Variants in MGAT3 observed in about 807,000 individuals in gnomAD.
MGAT3 encodes GlcNAc-T III.
Under a neutral mutation model 29.8 loss-of-function variants are expected in MGAT3, and 9 were observed. That is an observed-to-expected ratio of 0.30 (90% CI 0.18 to 0.53). The LOEUF is 0.53. Ranked by LOEUF, MGAT3 falls within the 20% of genes least tolerant of loss-of-function variation. The probability of loss-of-function intolerance (pLI) is 0.96; values close to 1 mark genes in which losing one functional copy is unlikely to be tolerated. For missense variants in MGAT3, 557 were observed against 769.5 expected (o/e 0.72, Z 3.27); for synonymous variants, 397 against 348.9 (o/e 1.14, Z -1.54).
At position 39,487,331 on chromosome 22, in the gene MGAT3, T is replaced by C; in HGVS notation, c.-1-16T>C. On this transcript the variant is annotated splice_polypyrimidine_tract_variant and intron_variant, in intron 1 of 1. Transcript: ENST00000341184. The surrounding 1 kb of genome is among the most constrained non-coding windows in gnomAD (Gnocchi z 5.7). ...GGGCTGCCCTGATGAGTCTCCTGTCTCTCTCTCTCCCGCAGGATGAAGATG... is the reference window on the plus strand; with the variant it reads ...GGGCTGCCCTGATGAGTCTCCTGTCCCTCTCTCTCCCGCAGGATGAAGATG... The C allele has an allele frequency of 6.2e-7, 1 of 1,603,954 alleles. No homozygotes were observed. The highest frequency in any genetic ancestry group is 8.5e-7 in the Non-Finnish European group (1 of 1,175,760).
At chr22:39,458,191 T>C (rs1475418144) in intron 1 of MGAT3, among the ~76,000 whole-genome samples, 1 of 152,104 alleles carries the variant, frequency 6.6e-6, no homozygotes, top group Non-Finnish European at 1.5e-5. Context: ...GGGAGGGCGC[T>C]ATAAATATCT....
chr22:39,472,593 A>C (rs930060999), intron 1 of MGAT3, among the ~76,000 whole-genome samples: 4 of 151,978 alleles, frequency 2.6e-5, no homozygotes, highest in African/African-American at 4.8e-5. Context: ...AGCACCTGGC[A>C]CCTAGGAGTG....
intron 1 of MGAT3, among the ~76,000 whole-genome samples, chr22:39,473,686 G>T (rs912365216): frequency 1.3e-5 from 2 of 152,110 alleles, no homozygotes; most frequent in African/African-American, 4.8e-5. Flanking sequence ...CTAGCTGGAG[G>T]CCAGGATCAG....
At chr22:39,466,293 C>T (rs760070789) in intron 1 of MGAT3, among the ~76,000 whole-genome samples, 42 of 152,250 alleles carry the variant, frequency 2.8e-4, no homozygotes, top group Admixed American at 7.2e-4. Flanking sequence ...GGGGTCTCAC[C>T]GTGGGGCTTG....
intron 1 of MGAT3, among the ~76,000 whole-genome samples, chr22:39,478,386 G>C (rs1050721736): frequency 6.6e-6 from 1 of 152,240 alleles, no homozygotes; most frequent in Non-Finnish European, 1.5e-5. Flanking sequence ...CCTTCTCCCA[G>C]TTGGAGGAGT....
chr22:39,484,624 C>A (rs1929219953), intron 1 of MGAT3, among the ~76,000 whole-genome samples: 1 of 152,026 alleles, frequency 6.6e-6, no homozygotes, highest in Non-Finnish European at 1.5e-5. Flanking sequence ...CCACCTGCCT[C>A]AGCTTCCCAA....
intron 1 of MGAT3, among the ~76,000 whole-genome samples, chr22:39,465,786 G>T (rs1406066439): frequency 6.6e-6 from 1 of 152,028 alleles, no homozygotes; most frequent in Non-Finnish European, 1.5e-5. Context: ...ACAAAAATTA[G>T]CCGGGCATGG....
At chr22:39,459,076 T>TCTTTTC (rs1568997680) in intron 1 of MGAT3, among the ~76,000 whole-genome samples, 1 of 19,232 alleles carries the variant, frequency 5.2e-5, no homozygotes, top group African/African-American at 8.4e-5. Flanking sequence ...TCTTTTCTTT[T>TCTTTTC]TTTTTTTTTT....
chr22:39,490,887 A>T lies in MGAT3; in HGVS notation c.*1938A>T, dbSNP rs1011661787. 14 of 166,918 alleles carry T rather than the reference A, an allele frequency of 8.4e-5. No homozygotes were observed. The highest frequency in any genetic ancestry group is 3.1e-4 in the African/African-American group (13 of 41,376). 10.3% of individuals were successfully genotyped at this position (166,918 alleles called of 1,614,324 possible). On this transcript the variant is annotated 3_prime_UTR_variant, in exon 2 of 2. Coordinates refer to ENST00000341184, the MANE Select transcript of MGAT3 (RefSeq NM_002409.5). Reference sequence around the variant, plus strand: ...TGCAGCTCCCCAAAATGACTGAGGCAGAAAGCCCTTGGGGAGCCTAGAAAG... The same window carrying T: ...TGCAGCTCCCCAAAATGACTGAGGCTGAAAGCCCTTGGGGAGCCTAGAAAG...
chr22:39,490,829 TG>T lies in MGAT3; in HGVS notation c.*1882del, dbSNP rs1316173798. ...GGATGGAAGAGGCCAGGCCCAGGCC[TG>T]GCCTCTTCCTCGGGCCTGTGGCCAC... On this transcript the variant is annotated 3_prime_UTR_variant, in exon 2 of 2. Coordinates refer to ENST00000341184, the MANE Select transcript of MGAT3 (RefSeq NM_002409.5). 1 of 166,184 alleles carries T rather than the reference TG, an allele frequency of 6.0e-6. No individual in the cohort carries two copies. The highest frequency in any genetic ancestry group is 2.4e-5 in the African/African-American group (1 of 41,242). 10.3% of individuals were successfully genotyped at this position (166,184 alleles called of 1,614,324 possible). A position where few individuals can be genotyped will look rare whatever the true frequency, so the allele number is the denominator to read the frequency against.
chr22:39,469,149 G>A (rs913073798), intron 1 of MGAT3, among the ~76,000 whole-genome samples: 1 of 148,916 alleles, frequency 6.7e-6, no homozygotes, highest in Non-Finnish European at 1.5e-5. Context: ...CAGGTGGGTG[G>A]GGAGGGGCCC....
At chr22:39,461,581 T>C (rs1440304315) in intron 1 of MGAT3, among the ~76,000 whole-genome samples, 1 of 152,136 alleles carries the variant, frequency 6.6e-6, no homozygotes, top group African/African-American at 2.4e-5. Flanking sequence ...AAACCTCATG[T>C]TCCATTCCCT....
chr22:39,459,223 G>C (rs930950200), intron 1 of MGAT3, among the ~76,000 whole-genome samples: 7 of 152,006 alleles, frequency 4.6e-5, no homozygotes, highest in African/African-American at 1.7e-4. Flanking sequence ...ACAGGTGCCC[G>C]ACACCACACC....
At chr22:39,462,883 C>T (rs911605077) in intron 1 of MGAT3, among the ~76,000 whole-genome samples, 5 of 152,154 alleles carry the variant, frequency 3.3e-5, no homozygotes, top group Non-Finnish European at 4.4e-5. Flanking sequence ...TGGTTCTTAC[C>T]GAAGTGGGAA....
chr22:39,466,496 C>T (rs1000319148), intron 1 of MGAT3, among the ~76,000 whole-genome samples: 1 of 152,204 alleles, frequency 6.6e-6, no homozygotes, highest in Non-Finnish European at 1.5e-5. Flanking sequence ...CCCGCGTCCC[C>T]CATGCTCCAG....
Position 39,488,477 on chromosome 22 carries a change from A to G in MGAT3, c.1130A>G (p.Asp377Gly). The change falls in exon 2 of 2, where the codon GAC becomes GGC. Residue 377 changes from aspartate (D) to glycine (G), a missense_variant. Asp to Gly is a moderately conservative substitution (Grantham distance 94). This residue lies in a region of MGAT3 where 243 missense variants were observed against 444.0 expected (regional missense o/e 0.55). Coordinates refer to ENST00000341184, the MANE Select transcript of MGAT3 (RefSeq NM_002409.5). ...ATGCTGCAGGCAGTGTATGGGCTGG[A>G]CGGCATCCGCCTGCGCCGCCGCCAG... ...VDMLQAVYGL[D>G]GIRLRRRQYY... is the part of the protein sequence containing the mutation. 1 of 1,612,798 alleles carries G rather than the reference A, an allele frequency of 6.2e-7. No homozygotes were observed. The highest frequency in any genetic ancestry group is 8.5e-7 in the Non-Finnish European group (1 of 1,179,962).
chr22:39,464,113 C>A (rs1012272429), intron 1 of MGAT3, among the ~76,000 whole-genome samples: 1 of 152,016 alleles, frequency 6.6e-6, no homozygotes, highest in African/African-American at 2.4e-5. Context: ...ACCGCGCTCA[C>A]CCCTGCCCCA....
chr22:39,476,399 C>G (rs1280570827), intron 1 of MGAT3: 4 of 152,438 alleles, frequency 2.6e-5, no homozygotes, highest in Non-Finnish European at 5.9e-5. Context: ...GTAGCTCTGT[C>G]TCTCCTCTGT....
chr22:39,470,144 C>T (rs1928767949), intron 1 of MGAT3, among the ~76,000 whole-genome samples: 1 of 152,158 alleles, frequency 6.6e-6, no homozygotes, highest in South Asian at 2.1e-4. Flanking sequence ...CCTGTGGCCT[C>T]GCCAGCAGGG....
Sources: allele counts gnomAD v4.1 joint callset (sites outside exome capture counted in the v4.1 genomes callset), GRCh38; gene constraint gnomAD v4.1.1; regional missense constraint gnomAD v4.1.1; non-coding constraint Gnocchi (gnomAD v3.1); transcripts MANE v1.5; gene names NCBI Gene and HGNC (gene_info 2026-07-23, HGNC 2026-07-21).